Variants in JAKMIP1 observed in about 807,000 individuals in gnomAD.
The protein encoded by JAKMIP1 is janus kinase and microtubule-interacting protein 1.
A neutral mutation model predicts 113.0 loss-of-function variants in JAKMIP1; 33 were observed. The observed-to-expected ratio is 0.29, with a 90% CI of 0.22 to 0.39. JAKMIP1 has a LOEUF of 0.39. Among genes scored for constraint, JAKMIP1 ranks in the 10% least tolerant of loss-of-function variants. The pLI, the probability that JAKMIP1 is intolerant of heterozygous loss-of-function variation, is 1.00. For missense variants in JAKMIP1, 813 were observed against 1,080.5 expected (o/e 0.75, Z 3.47); for synonymous variants, 480 against 459.9 (o/e 1.04, Z -0.56).
Position 6,056,750 on chromosome 4 carries a change from A to T in JAKMIP1, c.1654T>A (p.Trp552Arg). ...LLVEKGQDSK[W>R]VEEKQLLIRT... ...ATGAGCAGCTGCTTCTCTTCAACCC[A>T]CTTGGAATCCTAAGGAAAAGTACTA... The change falls in exon 12 of 21, where the codon TGG (tryptophan) becomes AGG (arginine). Residue 552 changes from tryptophan (W) to arginine (R), a missense_variant. By Grantham distance (101) the Trp-to-Arg change is moderately radical. Transcript: ENST00000409021. 1 of 1,612,412 alleles carries T rather than the reference A, an allele frequency of 6.2e-7. No homozygotes were observed. Among genetic ancestry groups the T allele is most frequent in the Non-Finnish European group, 8.5e-7 (1 of 1,178,726 alleles).
chr4:6,073,374 G>A (rs1255468321), intron 8 of JAKMIP1, among the ~76,000 whole-genome samples: 1 of 152,206 alleles, frequency 6.6e-6, no homozygotes, highest in African/African-American at 2.4e-5. Flanking sequence ...AGAGTCATTT[G>A]GGGAGGAGGG....
Position 6,064,787 on chromosome 4 carries a change from G to A in JAKMIP1, c.1431+93C>T, listed in dbSNP as rs1004755614. The A allele has an allele frequency of 6.5e-7, 1 of 1,535,566 alleles. No homozygotes were observed. Among genetic ancestry groups the A allele is most frequent in the African/African-American group, 1.4e-5 (1 of 73,000 alleles). ...GGTCATCTGGGGTTCAGAACTATAG[G>A]CAAGGGAGCGAAACTTGCAACTATC... On this transcript the variant is annotated intron_variant, in intron 9 of 20. Coordinates refer to ENST00000409021, the MANE Select transcript of JAKMIP1 (RefSeq NM_001099433.2). The surrounding 1 kb of genome is among the most constrained non-coding windows in gnomAD (Gnocchi z 4.3).
intron 1 of JAKMIP1, among the ~76,000 whole-genome samples, chr4:6,127,219 A>C (rs1717817837): frequency 6.6e-6 from 1 of 152,108 alleles, no homozygotes; most frequent in African/African-American, 2.4e-5. Context: ...CGTGCTGCTC[A>C]CCCTGCCCAC....
At chr4:6,029,927 C>T (rs1712375638) in intron 19 of JAKMIP1, 146 bp from the exon 20 acceptor site, 1 of 644,898 alleles carries the variant, frequency 1.6e-6, no homozygotes, top group Non-Finnish European at 2.8e-6. Flanking sequence ...CATGCACAAG[C>T]CCATGTCACC....
rs1214005472 is a variant in JAKMIP1 at position 6,194,930 on chromosome 4, C to G, written c.-148+5323G>C. On this transcript the variant is annotated intron_variant, in intron 1 of 20. Transcript: ENST00000409021. This position sits in a 1 kb window ranked among gnomAD's most constrained non-coding sequence, Gnocchi z 7.4. ...CTCAGACCACACAGAGGGGAACAGGCTGACCTAACACAAGTGGGCGGTGGT... is the reference window on the plus strand; with the variant it reads ...CTCAGACCACACAGAGGGGAACAGGGTGACCTAACACAAGTGGGCGGTGGT... Among the ~76,000 whole-genome samples the G allele has an allele frequency of 1.3e-5, 2 of 152,132 alleles. No homozygotes were observed. The highest frequency in any genetic ancestry group is 3.9e-4 in the East Asian group (2 of 5,190).
In JAKMIP1 at chr4:6,056,579, G is replaced by A. The variant is rs1196090241; in HGVS notation, c.1707+118C>T. ...TCCTCATGGGAGGTGTGCAGGACCC[G>A]AGGCCCTGGTCACTGGAGTGCCCAA... On this transcript the variant is annotated intron_variant, in intron 12 of 20. Transcript: ENST00000409021. The A allele has an allele frequency of 4.8e-5, 36 of 749,678 alleles. 1 individual carries two copies. The highest frequency in any genetic ancestry group is 2.0e-4 in the South Asian group (14 of 68,804). The allele number at this position is 749,678 out of a possible 1,614,324, so 46.4% of individuals were successfully genotyped here. A position where few individuals can be genotyped will look rare whatever the true frequency, so the allele number is the denominator to read the frequency against.
In JAKMIP1 at chr4:6,042,662, C is replaced by G. The variant is rs1714482421; in HGVS notation, c.2029-435G>C. 6.6e-6 allele frequency among the ~76,000 whole-genome samples: 1 copy of G among 151,936 alleles called. No individual in the cohort carries two copies. The highest frequency in any genetic ancestry group is 1.5e-5 in the Non-Finnish European group (1 of 67,986). On this transcript the variant is annotated intron_variant, in intron 16 of 20. Transcript: ENST00000409021. This position sits in a 1 kb window ranked among gnomAD's most constrained non-coding sequence, Gnocchi z 5.2. ...TATTTTGCAGGTAAAGACATGGAGG[C>G]TGAGTTAAGTAACTTGTCCAAGGTC... is the stretch of plus-strand genomic sequence containing the variant.
rs1238359911 is a variant in JAKMIP1, at chr4:6,089,426, A to C, written c.625-3797T>G. Among the ~76,000 whole-genome samples, 2 of 152,168 alleles carry C rather than the reference A, an allele frequency of 1.3e-5. No individual in the cohort carries two copies. Among genetic ancestry groups the C allele is most frequent in the Admixed American group, 6.5e-5 (1 of 15,282 alleles). On this transcript the variant is annotated intron_variant, in intron 3 of 20. Coordinates refer to ENST00000409021, the MANE Select transcript of JAKMIP1 (RefSeq NM_001099433.2). This position sits in a 1 kb window ranked among gnomAD's most constrained non-coding sequence, Gnocchi z 5.3. ...TAATGCTAGCGTGAGCTAGGTACTC[A>C]TTTGTACTTAAGAGACACTCTCTGA...
chr4:6,031,826 T>C lies in JAKMIP1; in HGVS notation c.2380-2045A>G, dbSNP rs567654603. 6.6e-6 allele frequency among the ~76,000 whole-genome samples: 1 copy of C among 152,360 alleles called. No homozygotes were observed. Among genetic ancestry groups the C allele is most frequent in the Admixed American group, 6.5e-5 (1 of 15,310 alleles). Reference sequence around the variant, plus strand: ...CCCTGAGGCTTGGTGTCCTTATCTATAGATGGGTGCTGCCCACATCTAAGG... The same window carrying C: ...CCCTGAGGCTTGGTGTCCTTATCTACAGATGGGTGCTGCCCACATCTAAGG... On this transcript the variant is annotated intron_variant, in intron 19 of 20. Transcript: ENST00000409021. The surrounding 1 kb of genome is among the most constrained non-coding windows in gnomAD (Gnocchi z 4.4).
intron 3 of JAKMIP1, among the ~76,000 whole-genome samples, chr4:6,098,390 A>C (rs185732252): frequency 6.6e-6 from 1 of 152,032 alleles, no homozygotes; most frequent in African/African-American, 2.4e-5. Context: ...CCGAGATCAC[A>C]GCATTGCACT....
intron 16 of JAKMIP1, 56 bp downstream of exon 16, chr4:6,048,801 T>C (rs747556130): frequency 4.0e-5 from 58 of 1,449,374 alleles, no homozygotes; most frequent in Non-Finnish European, 5.3e-5. Flanking sequence ...CAGTTTCTTG[T>C]ATGGTGCTGG....
intron 1 of JAKMIP1, among the ~76,000 whole-genome samples, chr4:6,133,005 A>C (rs1021915337): frequency 2.2e-4 from 33 of 152,334 alleles, no homozygotes; most frequent in African/African-American, 7.5e-4. Context: ...TCTAAACTAC[A>C]ACCAAAAAAG....
At chr4:6,056,461 C>T (rs1290158767) in intron 12 of JAKMIP1, among the ~76,000 whole-genome samples, 1 of 152,228 alleles carries the variant, frequency 6.6e-6, no homozygotes, top group African/African-American at 2.4e-5. Flanking sequence ...CTGTGGAGTA[C>T]CCAAGGAGGA....
intron 20 of JAKMIP1, among the ~76,000 whole-genome samples, chr4:6,027,256 C>T (rs1711973860): frequency 6.6e-6 from 1 of 151,998 alleles, no homozygotes; most frequent in African/African-American, 2.4e-5. Flanking sequence ...AGTTCTTCTC[C>T]CCCCCAAAAC....
rs115833172 is a variant in JAKMIP1 at position 6,047,575 on chromosome 4, T to G, written c.2028+1282A>C. On this transcript the variant is annotated intron_variant, in intron 16 of 20. Transcript: ENST00000409021. The stretch of plus-strand genomic sequence containing the variant: ...ATGATAGGAACAGGAGAAAGCTGAG[T>G]TCCAATCCTCTCACTGCCTACCAGT... 3.3e-3 allele frequency among the ~76,000 whole-genome samples: 497 copies of G among 152,266 alleles called. 5 individuals carry two copies. The highest frequency in any genetic ancestry group is 0.012 in the African/African-American group (484 of 41,540).
intron 3 of JAKMIP1, among the ~76,000 whole-genome samples, chr4:6,092,497 G>C (rs1461294115): frequency 6.6e-6 from 1 of 152,240 alleles, no homozygotes; most frequent in Admixed American, 6.5e-5. Flanking sequence ...GGGCTTGGCA[G>C]AGGTGGGTTT....
chr4:6,143,773 C>A lies in JAKMIP1; in HGVS notation c.-147-30776G>T, dbSNP rs908645513. ...CTCTGAGTGATTCTAACACACGCTGCTCTAGAACAGTTTTTTATTTAAATA... is the reference window on the plus strand; with the variant it reads ...CTCTGAGTGATTCTAACACACGCTGATCTAGAACAGTTTTTTATTTAAATA... On this transcript the variant is annotated intron_variant, in intron 1 of 20. Transcript: ENST00000409021. This position sits in a 1 kb window ranked among gnomAD's most constrained non-coding sequence, Gnocchi z 4.9. Among the ~76,000 whole-genome samples, 3 of 152,186 alleles carry A rather than the reference C, an allele frequency of 2.0e-5. No individual in the cohort carries two copies. Among genetic ancestry groups the A allele is most frequent in the Admixed American group, 6.5e-5 (1 of 15,286 alleles).
chr4:6,063,662 C>T (rs192286181), intron 9 of JAKMIP1, among the ~76,000 whole-genome samples: 45 of 152,342 alleles, frequency 3.0e-4, no homozygotes, highest in Non-Finnish European at 5.6e-4. Flanking sequence ...AGAGGGCCAC[C>T]TTGGGGTTGA....
intron 1 of JAKMIP1, among the ~76,000 whole-genome samples, chr4:6,119,164 C>T (rs1378955337): frequency 2.6e-5 from 4 of 152,176 alleles, no homozygotes; most frequent in Middle Eastern, 3.4e-3. Context: ...TCTAGAACTG[C>T]GAGAGTAAAT....
Sources: allele counts gnomAD v4.1 joint callset (sites outside exome capture counted in the v4.1 genomes callset), GRCh38; gene constraint gnomAD v4.1.1; non-coding constraint Gnocchi (gnomAD v3.1); transcripts MANE v1.5; gene names NCBI Gene and HGNC (gene_info 2026-07-23, HGNC 2026-07-21).